The following ZPBP variants were observed in gnomAD, a reference collection of about 807,000 sequenced individuals.
ZPBP encodes the protein zona pellucida-binding protein 1.
A neutral mutation model predicts 44.8 loss-of-function variants in ZPBP; 26 were observed. The observed-to-expected ratio is 0.58, with a 90% CI of 0.43 to 0.81. The LOEUF is 0.81. Ranked by LOEUF, ZPBP falls within the 30% of genes least tolerant of loss-of-function variation. ZPBP has a pLI of 0.00. For synonymous variants in ZPBP, 174 were observed against 153.2 expected, an observed-to-expected ratio of 1.14 and a Z score of -1.00; for missense variants, 409 against 434.0, an observed-to-expected ratio of 0.94 and a Z score of 0.51.
intron 3 of ZPBP, among the ~76,000 whole-genome samples, chr7:50,079,040 C>T (rs937362422): frequency 6.6e-6 from 1 of 151,432 alleles, no homozygotes; most frequent in African/African-American, 2.4e-5. Context: ...GGACACATCC[C>T]TATAGATTCT....
intron 6 of ZPBP, among the ~76,000 whole-genome samples, chr7:50,007,022 G>A (rs1365555289): frequency 6.6e-6 from 1 of 151,826 alleles, no homozygotes; most frequent in African/African-American, 2.4e-5. Flanking sequence ...TCATGAATGG[G>A]ATTAGTGCCC....
At chr7:50,009,721 G>C (rs1273769986) in intron 6 of ZPBP, among the ~76,000 whole-genome samples, 1 of 151,782 alleles carries the variant, frequency 6.6e-6, no homozygotes, top group Non-Finnish European at 1.5e-5. Context: ...AATTGTGATA[G>C]AAAATCCCAA....
intron 2 of ZPBP, among the ~76,000 whole-genome samples, chr7:49,882,581 A>G (rs1791715490): frequency 6.6e-6 from 1 of 152,060 alleles, no homozygotes; most frequent in African/African-American, 2.4e-5. Context: ...ACAAAGAGAG[A>G]TAAGGAGAGA....
At chr7:50,037,239 T>C (rs1476494897) in intron 4 of ZPBP, among the ~76,000 whole-genome samples, 1 of 152,220 alleles carries the variant, frequency 6.6e-6, no homozygotes, top group East Asian at 1.9e-4. Context: ...ACAAAGCTGC[T>C]ATAAATTCTT....
intron 7 of ZPBP, among the ~76,000 whole-genome samples, chr7:49,965,590 G>A (rs1014617094): frequency 6.6e-6 from 1 of 152,004 alleles, no homozygotes; most frequent in Admixed American, 6.6e-5. Context: ...TACTGGAAAT[G>A]GTAGTTACAT....
chr7:49,995,874 T>C (rs762565749), intron 6 of ZPBP, among the ~76,000 whole-genome samples: 142 of 151,880 alleles, frequency 9.3e-4, no homozygotes, highest in Non-Finnish European at 1.7e-3. Context: ...GGGAAGAGGG[T>C]TTGGGGGCGG....
chr7:50,016,905 G>A (rs984806632), intron 6 of ZPBP, among the ~76,000 whole-genome samples: 2 of 152,104 alleles, frequency 1.3e-5, no homozygotes, highest in African/African-American at 2.4e-5. Context: ...CCAAGGAAGA[G>A]AGGTAATGCT....
intron 2 of ZPBP, among the ~76,000 whole-genome samples, chr7:49,860,732 T>C (rs1202019154): frequency 1.3e-5 from 2 of 152,152 alleles, no homozygotes; most frequent in African/African-American, 4.8e-5. Context: ...GTAGATAGAG[T>C]CATTAAAGAT....
chr7:50,088,152 C>T (rs192809859), intron 2 of ZPBP, among the ~76,000 whole-genome samples: 10 of 152,084 alleles, frequency 6.6e-5, no homozygotes, highest in African/African-American at 1.9e-4. Context: ...CTTTTCAATA[C>T]GAGTGCCAAG....
chr7:50,028,347 C>T (rs904712272), intron 5 of ZPBP, among the ~76,000 whole-genome samples: 3 of 151,764 alleles, frequency 2.0e-5, no homozygotes, highest in Non-Finnish European at 4.4e-5. Context: ...ATACAAAGTC[C>T]TTTCATTATA....
chr7:49,909,549 G>T (rs554998945), intron 1 of ZPBP, among the ~76,000 whole-genome samples: 2 of 152,242 alleles, frequency 1.3e-5, no homozygotes, highest in East Asian at 3.9e-4. Context: ...ACTGGGTGGG[G>T]AGGGGTCTTG....
chr7:50,023,309 C>T (rs1360562725), intron 5 of ZPBP, among the ~76,000 whole-genome samples: 1 of 152,054 alleles, frequency 6.6e-6, no homozygotes, highest in East Asian at 1.9e-4. Flanking sequence ...GCTTACCCCC[C>T]ATACATGCAT....
chr7:50,055,669 C>T (rs751107380), intron 4 of ZPBP, among the ~76,000 whole-genome samples: 1 of 152,106 alleles, frequency 6.6e-6, no homozygotes, highest in Admixed American at 6.5e-5. Flanking sequence ...CAGAACAATG[C>T]TTACACTAAG....
chr7:49,958,257 C>T (rs1795696289), intron 7 of ZPBP, among the ~76,000 whole-genome samples: 1 of 152,154 alleles, frequency 6.6e-6, no homozygotes, highest in Admixed American at 6.6e-5. Context: ...TTGAACATTT[C>T]AGTTGATGCT....
At chr7:49,947,338 T>A (rs1241529305) in intron 7 of ZPBP, among the ~76,000 whole-genome samples, 1 of 152,132 alleles carries the variant, frequency 6.6e-6, no homozygotes, top group East Asian at 1.9e-4. Context: ...CCATCCTCCC[T>A]GGGAAGGCCT....
Position 50,081,908 on chromosome 7 carries a change from A to C in ZPBP, c.209-9T>G, listed in dbSNP as rs751366151. On this transcript the variant is annotated splice_polypyrimidine_tract_variant and intron_variant, in intron 2 of 7. Coordinates refer to ENST00000046087, the MANE Select transcript of ZPBP (RefSeq NM_007009.3). Reference sequence around the variant, plus strand: ...CATGACATACGCTTTCACTGAAAATACAATATTTAAAATGTTCCAATAGTA... The same window carrying C: ...CATGACATACGCTTTCACTGAAAATCCAATATTTAAAATGTTCCAATAGTA... 6.2e-7 allele frequency: 1 copy of C among 1,609,858 alleles called. No individual in the cohort carries two copies.
At position 50,079,657 on chromosome 7, in the gene ZPBP, C is replaced by T. The variant is rs192491683; in HGVS notation, c.334+2117G>A. The stretch of plus-strand genomic sequence containing the variant: ...TGTATAGAATGGTAAATACAGTTAA[C>T]AATAATGTATTGTATACTTGAAATT... On this transcript the variant is annotated intron_variant, in intron 3 of 7. Transcript: ENST00000046087. Among the ~76,000 whole-genome samples, 274 of 151,636 alleles carry T rather than the reference C, an allele frequency of 1.8e-3. 1 individual carries two copies. The highest frequency in any genetic ancestry group is 6.2e-3 in the African/African-American group (257 of 41,464).
intron 2 of ZPBP, among the ~76,000 whole-genome samples, chr7:50,084,693 A>G (rs1168431662): frequency 6.6e-6 from 1 of 151,988 alleles, no homozygotes; most frequent in Non-Finnish European, 1.5e-5. Context: ...GTCAATTGGA[A>G]TGGTAATCTA....
chr7:49,859,276 T>C (rs911442157), intron 2 of ZPBP, among the ~76,000 whole-genome samples: 1 of 152,260 alleles, frequency 6.6e-6, no homozygotes, highest in Non-Finnish European at 1.5e-5. Context: ...TTTTGTGGTA[T>C]CTTTTGAAGG....
Sources: allele counts gnomAD v4.1 joint callset (sites outside exome capture counted in the v4.1 genomes callset), GRCh38; gene constraint gnomAD v4.1.1; transcripts MANE v1.5; gene names NCBI Gene and HGNC (gene_info 2026-07-23, HGNC 2026-07-21).